PDIA3: variants seen among roughly 807,000 people sequenced by gnomAD.
PDIA3 encodes protein disulfide isomerase family A member 3, also known as protein disulfide-isomerase A3.
In PDIA3, 16 loss-of-function variants were observed where a neutral mutation model predicts 56.9. That is an observed-to-expected ratio of 0.28 (90% confidence interval 0.19 to 0.43). The LOEUF (loss-of-function observed/expected upper bound fraction) is 0.43. PDIA3 is among the 20% of genes least tolerant of loss of function. The probability of loss-of-function intolerance (pLI) is 1.00; values close to 1 mark genes in which losing one functional copy is unlikely to be tolerated. For missense variants in PDIA3, 485 were observed against 621.3 expected (o/e 0.78, Z 2.33); for synonymous variants, 192 against 216.5 (o/e 0.89, Z 0.99).
At chr15:43,759,065 C>T (rs1373913773) in intron 3 of PDIA3, among the ~76,000 whole-genome samples, 1 of 151,912 alleles carries the variant, frequency 6.6e-6, no homozygotes, top group Non-Finnish European at 1.5e-5. Flanking sequence ...CTGAGGCAGG[C>T]GGATCACAAG....
At position 43,765,490 on chromosome 15, in the gene PDIA3, T is replaced by C; in HGVS notation, c.643T>C (p.Phe215Leu). 1 of 1,612,982 alleles carries C rather than the reference T, an allele frequency of 6.2e-7. No individual in the cohort carries two copies. Among genetic ancestry groups the C allele is most frequent in the Non-Finnish European group, 8.5e-7 (1 of 1,179,172 alleles). The change falls in exon 6 of 13, where the codon TTT becomes CTT. Residue 215 changes from phenylalanine to leucine, a missense_variant. Phe to Leu is a conservative substitution (Grantham distance 22). Coordinates refer to ENST00000300289, the MANE Select transcript of PDIA3 (RefSeq NM_005313.5). The stretch of plus-strand genomic sequence containing the variant: ...TCGTCCTTCACATCTCACTAACAAG[T>C]TTGAGGACAAGACTGTGGCATATAC... ...LFRPSHLTNK[F>L]EDKTVAYTEQ...
At position 43,746,716 on chromosome 15, in the gene PDIA3, T is replaced by C. The variant is rs1400401751; in HGVS notation, c.167+10T>C. ...AGTTCTTCGCCCCCTGGTGAGTCCA[T>C]TCTGCCGAGGCGGGGGAAGAAAGGC... On this transcript the variant is annotated intron_variant, in intron 1 of 12. Coordinates refer to ENST00000300289, the MANE Select transcript of PDIA3 (RefSeq NM_005313.5). The C allele has an allele frequency of 1.2e-6, 2 of 1,612,214 alleles. No individual in the cohort carries two copies. Among genetic ancestry groups the C allele is most frequent in the Non-Finnish European group, 1.7e-6 (2 of 1,179,522 alleles).
intron 1 of PDIA3, chr15:43,751,459 C>A: frequency 2.0e-6 from 1 of 497,432 alleles, no homozygotes; most frequent in Non-Finnish European, 3.5e-6. Context: ...CTGCCAGGTG[C>A]CATCCCTGAG....
intron 1 of PDIA3, among the ~76,000 whole-genome samples, chr15:43,750,317 A>G (rs954224331): frequency 1.5e-4 from 23 of 150,216 alleles, no homozygotes; most frequent in African/African-American, 5.6e-4. Flanking sequence ...TGCCTGGCTT[A>G]GTGAAAGCTT....
rs2086882599 is a variant in PDIA3, at chr15:43,771,632, A to C, written c.*414A>C. Reference sequence around the variant, plus strand: ...TTCTTCAGTGATGGAAATGCTCTGTAATCTACACTGTTCAGTACAGGTAGC... The same window carrying C: ...TTCTTCAGTGATGGAAATGCTCTGTCATCTACACTGTTCAGTACAGGTAGC... On this transcript the variant is annotated 3_prime_UTR_variant, in exon 13 of 13. Transcript: ENST00000300289. The C allele has an allele frequency of 2.4e-6, 1 of 409,148 alleles. No homozygotes were observed. Among genetic ancestry groups the C allele is most frequent in the Non-Finnish European group, 4.3e-6 (1 of 232,690 alleles). 25.3% of individuals were successfully genotyped at this position (409,148 alleles called of 1,614,324 possible).
chr15:43,771,612 C>T lies in PDIA3; in HGVS notation c.*394C>T. 38 of 407,040 alleles carry T rather than the reference C, an allele frequency of 9.3e-5. No homozygotes were observed. In the South Asian group the frequency reaches 1.3e-3, roughly 14 times the overall value. 25.2% of individuals were successfully genotyped at this position (407,040 alleles called of 1,614,324 possible). ...TATCACTGTTCAATAGAGCTTTCTT[C>T]AGTGATGGAAATGCTCTGTAATCTA... On this transcript the variant is annotated 3_prime_UTR_variant, in exon 13 of 13. Coordinates refer to ENST00000300289, the MANE Select transcript of PDIA3 (RefSeq NM_005313.5).
intron 1 of PDIA3, 58 bp from the exon 2 acceptor site, chr15:43,753,763 GACA>G (rs1377518122): frequency 1.7e-6 from 2 of 1,193,302 alleles, no homozygotes; most frequent in Non-Finnish European, 2.5e-6. Flanking sequence ...TTCCTAGTGA[GACA>G]ACATTAACAA....
chr15:43,750,475 T>C (rs1367947142), intron 1 of PDIA3, among the ~76,000 whole-genome samples: 1 of 152,092 alleles, frequency 6.6e-6, no homozygotes, highest in Non-Finnish European at 1.5e-5. Flanking sequence ...TTAGTGTTAA[T>C]ATGTAATATT....
chr15:43,752,739 A>G (rs1240763916), intron 1 of PDIA3: 3 of 468,436 alleles, frequency 6.4e-6, no homozygotes, highest in Non-Finnish European at 1.3e-5. Context: ...ACCATTGACT[A>G]TTGAAATATA....
At chr15:43,768,151 T>C (rs1404628507) in intron 8 of PDIA3, among the ~76,000 whole-genome samples, 1 of 152,074 alleles carries the variant, frequency 6.6e-6, no homozygotes, top group Non-Finnish European at 1.5e-5. Flanking sequence ...TTTTGGGAGA[T>C]TGAGACAAGA....
In PDIA3 at chr15:43,765,463, T is replaced by C. The variant is rs2086842141; in HGVS notation, c.616T>C (p.Phe206Leu). Residue 206 changes from phenylalanine to leucine, a missense_variant, in exon 6 of 13, where the codon TTT becomes CTT. Coordinates refer to ENST00000300289, the MANE Select transcript of PDIA3 (RefSeq NM_005313.5). ...YDDNGEGIILFRPSHLTNKFE... is the reference protein window; with the variant it reads ...YDDNGEGIILLRPSHLTNKFE... ...TTTTTTTTTAAGGGGTATCATCTTA[T>C]TTCGTCCTTCACATCTCACTAACAA... is the stretch of plus-strand genomic sequence containing the variant. The C allele has an allele frequency of 6.2e-7, 1 of 1,601,822 alleles. No homozygotes were observed. Among genetic ancestry groups the C allele is most frequent in the Non-Finnish European group, 8.6e-7 (1 of 1,169,214 alleles).
intron 4 of PDIA3, among the ~76,000 whole-genome samples, 188 bp downstream of exon 4, chr15:43,761,719 G>A (rs1382636328): frequency 6.6e-6 from 1 of 151,870 alleles, no homozygotes; most frequent in African/African-American, 2.4e-5. Flanking sequence ...ACTATATAAT[G>A]TAATTATAAT....
chr15:43,757,664 G>T (rs1451187755), intron 3 of PDIA3, among the ~76,000 whole-genome samples: 1 of 151,658 alleles, frequency 6.6e-6, no homozygotes, highest in Admixed American at 6.6e-5. Context: ...TTTGAGGCCA[G>T]CCTGGCCAGC....
Position 43,770,252 on chromosome 15 carries a change from C to T in PDIA3, c.1269C>T (p.Leu423=), listed in dbSNP as rs367709006. The T allele has an allele frequency of 1.1e-4, 184 of 1,612,976 alleles. No homozygotes were observed. Among genetic ancestry groups the T allele is most frequent in the Non-Finnish European group, 1.5e-4 (180 of 1,179,074 alleles). Residue 423 remains leucine (L), a splice_region_variant and synonymous_variant, in exon 11 of 13, where the codon CTC becomes CTT. Coordinates refer to ENST00000300289, the MANE Select transcript of PDIA3 (RefSeq NM_005313.5). ...EPKYKELGEK[L]SKDPNIVIAK... is the part of the protein sequence containing the mutation. ...CATTTAACCTGTTTTATTAACAGCT[C>T]AGCAAAGACCCAAATATCGTCATAG...
intron 3 of PDIA3, among the ~76,000 whole-genome samples, 192 bp from the exon 4 acceptor site, chr15:43,761,232 A>G (rs12912341): frequency 9.0e-6 from 1 of 111,574 alleles, no homozygotes; most frequent in Non-Finnish European, 1.8e-5. Flanking sequence ...ACAGAGCGAG[A>G]CTCTGTCTCA....
At chr15:43,764,953 T>C (rs1486214437) in intron 5 of PDIA3, among the ~76,000 whole-genome samples, 2 of 152,206 alleles carry the variant, frequency 1.3e-5, no homozygotes, top group Non-Finnish European at 2.9e-5. Flanking sequence ...TACCCAATTA[T>C]TGCACTTAAG....
chr15:43,750,762 G>T (rs2086738512), intron 1 of PDIA3, among the ~76,000 whole-genome samples: 1 of 149,754 alleles, frequency 6.7e-6, no homozygotes, highest in South Asian at 2.1e-4. Context: ...GCGACAGCGA[G>T]ACTCCTTCTC....
intron 8 of PDIA3, 49 bp downstream of exon 8, chr15:43,766,959 T>C: frequency 6.7e-7 from 1 of 1,490,028 alleles, no homozygotes; most frequent in Non-Finnish European, 9.4e-7. Context: ...ATTAAAGCCT[T>C]TTATACTACA....
At chr15:43,754,392 CAAA>C (rs1048781007) in intron 2 of PDIA3, among the ~76,000 whole-genome samples, 8 of 51,176 alleles carry the variant, frequency 1.6e-4, no homozygotes, top group Admixed American at 2.1e-4. Context: ...GACTCCGTCT[CAAA>C]AAAAAAAAAA....
Sources: allele counts gnomAD v4.1 joint callset (sites outside exome capture counted in the v4.1 genomes callset), GRCh38; gene constraint gnomAD v4.1.1; transcripts MANE v1.5; gene names NCBI Gene and HGNC (gene_info 2026-07-23, HGNC 2026-07-21).